Variants in VASH2 observed in about 807,000 individuals in gnomAD.
VASH2 encodes tubulinyl-Tyr carboxypeptidase 2.
VASH2 carries 28 observed loss-of-function variants against 37.2 expected under a neutral mutation model. That is an observed-to-expected ratio of 0.75 (90% CI 0.56 to 1.03). VASH2 has a LOEUF of 1.03. Among genes scored for constraint, VASH2 ranks in the 50% least tolerant of loss-of-function variants. The pLI is 0.00. For synonymous variants in VASH2, 188 were observed against 174.7 expected (o/e 1.08, Z -0.60); for missense variants, 419 against 459.1 (o/e 0.91, Z 0.80).
At chr1:212,966,233 A>C in intron 4 of VASH2, 38 bp from the exon 5 acceptor site, 1 of 1,531,220 alleles carries the variant, frequency 6.5e-7, no homozygotes, top group Non-Finnish European at 8.9e-7. Context: ...GTGTAATTAA[A>C]TAGGTTCTGA....
At chr1:212,977,332 T>C (rs569200161) in intron 7 of VASH2, among the ~76,000 whole-genome samples, 1 of 152,296 alleles carries the variant, frequency 6.6e-6, no homozygotes, top group Admixed American at 6.5e-5. Flanking sequence ...TTAGAGCAGA[T>C]TATTCTAGGT....
chr1:212,987,821 C>T lies in VASH2; in HGVS notation c.996-691C>T, dbSNP rs138279994. Among the ~76,000 whole-genome samples the T allele has an allele frequency of 3.9e-3, 588 of 152,290 alleles. 5 individuals are homozygous for T. Among genetic ancestry groups the T allele is most frequent in the African/African-American group, 0.013 (552 of 41,562 alleles). The stretch of plus-strand genomic sequence containing the variant: ...ATCGTATATTGGAAGTCATTTAGGA[C>T]GCATCTTTAATGAAGACAGATGATG... On this transcript the variant is annotated intron_variant, in intron 7 of 7. Transcript: ENST00000517399.
chr1:212,967,177 C>T (rs1666877573), intron 5 of VASH2: 2 of 1,304,328 alleles, frequency 1.5e-6, no homozygotes, highest in East Asian at 5.5e-5. Flanking sequence ...TCACCAGACT[C>T]CCGGCTCTTC....
At chr1:212,957,770 C>T (rs981754484) in intron 2 of VASH2, among the ~76,000 whole-genome samples, 4 of 152,190 alleles carry the variant, frequency 2.6e-5, no homozygotes, top group South Asian at 2.1e-4. Flanking sequence ...ACCACCATGC[C>T]CAGCTGATTT....
At chr1:212,969,818 C>T (rs1228419353) in intron 5 of VASH2, among the ~76,000 whole-genome samples, 1 of 152,208 alleles carries the variant, frequency 6.6e-6, no homozygotes, top group Non-Finnish European at 1.5e-5. Context: ...CCTGGCTCAA[C>T]AACTTTGAAA....
intron 7 of VASH2, among the ~76,000 whole-genome samples, chr1:212,978,645 T>C (rs983214969): frequency 1.3e-5 from 2 of 152,184 alleles, no homozygotes; most frequent in Non-Finnish European, 2.9e-5. Context: ...CAGGTAAACA[T>C]TGATTCCCAA....
chr1:212,983,876 G>GT (rs1176723328), intron 7 of VASH2, among the ~76,000 whole-genome samples: 1 of 152,168 alleles, frequency 6.6e-6, no homozygotes, highest in East Asian at 1.9e-4. Context: ...GTGGTTCAGG[G>GT]TGTGGGCTCT....
At chr1:212,969,729 G>A (rs1371978287) in intron 5 of VASH2, among the ~76,000 whole-genome samples, 1 of 152,130 alleles carries the variant, frequency 6.6e-6, no homozygotes, top group African/African-American at 2.4e-5. Context: ...GCATCCCTGG[G>A]TCCTGCTTTC....
chr1:212,974,075 GTAA>G lies in VASH2; in HGVS notation c.995+8_995+10del. The stretch of plus-strand genomic sequence containing the variant: ...GCTCGGCCGGCGAGAGAAGTCGTGA[GTAA>G]TATTTCCTCTTCCCCAACTCAAAGC... On this transcript the variant is annotated splice_donor_region_variant and intron_variant, in intron 7 of 7. Coordinates refer to ENST00000517399, the MANE Select transcript of VASH2 (RefSeq NM_001301056.2). 6.2e-7 allele frequency: 1 copy of G among 1,609,060 alleles called. No individual in the cohort carries two copies. The highest frequency in any genetic ancestry group is 8.5e-7 in the Non-Finnish European group (1 of 1,176,982).
At chr1:212,980,816 CA>C (rs1295304670) in intron 7 of VASH2, among the ~76,000 whole-genome samples, 1 of 152,102 alleles carries the variant, frequency 6.6e-6, no homozygotes, top group Non-Finnish European at 1.5e-5. Flanking sequence ...GGGAAGCAAA[CA>C]AACAAAAAAG....
In VASH2 at chr1:212,965,247, A is replaced by G. The variant is rs369015881; in HGVS notation, c.366-475A>G. Among the ~76,000 whole-genome samples, 50 of 152,336 alleles carry G rather than the reference A, an allele frequency of 3.3e-4. No homozygotes were observed. In the South Asian group the frequency reaches 9.9e-3, roughly 30 times the overall value. Reference sequence around the variant, plus strand: ...CAGGTTTTATGGGTGATATAAAGATAATGAAAGAATAGTTCTAGCTAGGTA... The same window carrying G: ...CAGGTTTTATGGGTGATATAAAGATGATGAAAGAATAGTTCTAGCTAGGTA... On this transcript the variant is annotated intron_variant, in intron 3 of 7. Transcript: ENST00000517399.
intron 4 of VASH2, 82 bp downstream of exon 4, chr1:212,965,860 G>A (rs61832430): frequency 0.026 from 35,834 of 1,357,170 alleles, 542 homozygotes; most frequent in East Asian, 0.04. Flanking sequence ...CTCTATTCCC[G>A]TAGCCCATGG....
intron 7 of VASH2, 58 bp from the exon 8 acceptor site, chr1:212,988,454 G>A (rs1479693802): frequency 9.6e-6 from 15 of 1,567,924 alleles, no homozygotes; most frequent in Non-Finnish European, 1.3e-5. Context: ...TGAAAATGCT[G>A]TTGTCTTTCT....
chr1:212,958,191 C>T (rs1346364731), intron 2 of VASH2, among the ~76,000 whole-genome samples: 1 of 152,128 alleles, frequency 6.6e-6, no homozygotes, highest in Non-Finnish European at 1.5e-5. Context: ...GAGCCCGAGG[C>T]GCTGGTTGGA....
chr1:212,990,784 C>T lies in VASH2; in HGVS notation c.*2200C>T, dbSNP rs983298026. 3 of 152,130 alleles carry T rather than the reference C, an allele frequency of 2.0e-5. No individual in the cohort carries two copies. The East Asian group carries it at 5.8e-4, about 29-fold the overall frequency. The allele number at this position is 152,130 out of a possible 1,614,324, so 9.4% of individuals were successfully genotyped here. A position where few individuals can be genotyped will look rare whatever the true frequency, so the allele number is the denominator to read the frequency against. On this transcript the variant is annotated 3_prime_UTR_variant, in exon 8 of 8. Coordinates refer to ENST00000517399, the MANE Select transcript of VASH2 (RefSeq NM_001301056.2). ...CCAAAGCAAGGTTTAGTCACACAAA[C>T]TTGAAAGTACATTTAAAATGTTCTT... is the stretch of plus-strand genomic sequence containing the variant.
intron 5 of VASH2, chr1:212,968,615 C>G (rs1325673034): frequency 1.0e-6 from 1 of 985,402 alleles, no homozygotes; most frequent in Non-Finnish European, 1.2e-6. Flanking sequence ...ATCCTCCTCC[C>G]TGTTTCCCAC....
At position 212,982,466 on chromosome 1, in the gene VASH2, AATC is replaced by A. The variant is rs1314574945; in HGVS notation, c.996-6039_996-6037del. ...TTCTGGGCAAGTGCAGACCCGGCTG[AATC>A]ATCATCCTAGTGCTCGTGTTTCTTA... On this transcript the variant is annotated intron_variant, in intron 7 of 7. Coordinates refer to ENST00000517399, the MANE Select transcript of VASH2 (RefSeq NM_001301056.2). Among the ~76,000 whole-genome samples, 8 of 152,328 alleles carry A rather than the reference AATC, an allele frequency of 5.3e-5. No individual in the cohort carries two copies. The East Asian group carries it at 1.5e-3, about 29-fold the overall frequency.
chr1:212,958,981 G>A (rs1275274998), intron 2 of VASH2, among the ~76,000 whole-genome samples: 2 of 151,800 alleles, frequency 1.3e-5, no homozygotes, highest in African/African-American at 4.8e-5. Context: ...TGCCCACCTC[G>A]GCCTCCCAAA....
chr1:212,978,633 C>T (rs1251807148), intron 7 of VASH2, among the ~76,000 whole-genome samples: 1 of 152,240 alleles, frequency 6.6e-6, no homozygotes, highest in Admixed American at 6.5e-5. Flanking sequence ...AGCCCTTCCT[C>T]CCAGGTAAAC....
Sources: gnomAD v4.1 joint callset for allele counts (sites outside exome capture counted in the v4.1 genomes callset) on GRCh38, gnomAD v4.1.1 for gene constraint, MANE v1.5 for transcripts, NCBI Gene and HGNC (gene_info 2026-07-23, HGNC 2026-07-21) for gene names.